Variants in NPTN observed in about 807,000 individuals in gnomAD.
The protein encoded by NPTN is SDR-1.
A neutral mutation model predicts 42.7 loss-of-function variants in NPTN; 5 were observed. The observed-to-expected ratio is 0.12, with a 90% confidence interval of 0.06 to 0.25. NPTN has a LOEUF of 0.25. NPTN is among the 10% of genes least tolerant of loss of function. NPTN has a pLI of 1.00. For synonymous variants in NPTN, 180 were observed against 201.9 expected, an observed-to-expected ratio of 0.89 and a Z score of 0.92; for missense variants, 307 against 525.4, an observed-to-expected ratio of 0.58 and a Z score of 4.06.
chr15:73,596,110 G>A (rs1357027715), intron 2 of NPTN, among the ~76,000 whole-genome samples: 3 of 152,194 alleles, frequency 2.0e-5, no homozygotes, highest in Non-Finnish European at 4.4e-5. Context: ...ACCGTGAACA[G>A]GAATCAACTG....
chr15:73,589,304 C>T (rs1419130909), intron 3 of NPTN, among the ~76,000 whole-genome samples: 1 of 151,914 alleles, frequency 6.6e-6, no homozygotes, highest in Non-Finnish European at 1.5e-5. Context: ...TGCACTCCAG[C>T]CTGGGTGACA....
At chr15:73,568,463 A>G (rs1213526211) in intron 6 of NPTN, 6 of 985,390 alleles carry the variant, frequency 6.1e-6, no homozygotes, top group African/African-American at 1.7e-5. Flanking sequence ...GGAATGAGGC[A>G]TAACTGATCC....
chr15:73,573,291 T>C (rs576418650), intron 5 of NPTN, among the ~76,000 whole-genome samples: 2 of 152,296 alleles, frequency 1.3e-5, no homozygotes, highest in South Asian at 4.1e-4. Context: ...TCATCTTTCC[T>C]GTGTTTCCTG....
chr15:73,563,817 A>C (rs1172762628), intron 6 of NPTN, among the ~76,000 whole-genome samples: 1 of 152,218 alleles, frequency 6.6e-6, no homozygotes, highest in African/African-American at 2.4e-5. Context: ...AGGCAATCAC[A>C]ATAGTTCAAC....
At chr15:73,565,680 T>TTACA in intron 6 of NPTN, 1 of 453,030 alleles carries the variant, frequency 2.2e-6, no homozygotes, top group Non-Finnish European at 4.5e-6. Context: ...CACCTCAGTA[T>TTACA]TACAGCCACT....
At chr15:73,591,250 C>T (rs900493929) in intron 3 of NPTN, among the ~76,000 whole-genome samples, 3 of 152,204 alleles carry the variant, frequency 2.0e-5, no homozygotes, top group Non-Finnish European at 4.4e-5. Flanking sequence ...CACCTCAGTG[C>T]TCTCTTTCTT....
chr15:73,586,868 C>T (rs894828145), intron 4 of NPTN, among the ~76,000 whole-genome samples: 1 of 152,204 alleles, frequency 6.6e-6, no homozygotes, highest in Admixed American at 6.5e-5. Flanking sequence ...TGACAGACAG[C>T]TAGAGGTTTC....
In NPTN at chr15:73,570,117, A is replaced by G. The variant is rs757126146; in HGVS notation, c.1114+33T>C. 1 of 1,566,354 alleles carries G rather than the reference A, an allele frequency of 6.4e-7. No individual in the cohort carries two copies. ...GAAACCACCCGAAGGAACCAACCCC[A>G]GCAGTACAGCTATTTTGTAGGGATG... On this transcript the variant is annotated intron_variant, in intron 6 of 8. Coordinates refer to ENST00000345330, the MANE Select transcript of NPTN (RefSeq NM_012428.4). The surrounding 1 kb of genome is among the most constrained non-coding windows in gnomAD (Gnocchi z 4.0).
chr15:73,628,249 T>C (rs950702276), intron 1 of NPTN, among the ~76,000 whole-genome samples: 3 of 152,182 alleles, frequency 2.0e-5, no homozygotes, highest in Non-Finnish European at 2.9e-5. Context: ...TCTGACAGCT[T>C]ATATTTTTCC....
chr15:73,573,425 T>C (rs1895517218), intron 5 of NPTN, among the ~76,000 whole-genome samples: 1 of 152,180 alleles, frequency 6.6e-6, no homozygotes, highest in African/African-American at 2.4e-5. Context: ...ACTAATACAG[T>C]GAGCAATCTA....
chr15:73,568,385 A>C, intron 6 of NPTN: 1 of 985,404 alleles, frequency 1.0e-6, no homozygotes. Flanking sequence ...ACCTTTCCAA[A>C]AGGCAGGCTG....
Position 73,573,692 on chromosome 15 carries a change from T to C in NPTN, c.810A>G (p.Ile270Met). 6.3e-7 allele frequency: 1 copy of C among 1,591,240 alleles called. No individual in the cohort carries two copies. Among genetic ancestry groups the C allele is most frequent in the African/African-American group, 1.4e-5 (1 of 73,714 alleles). The part of the protein sequence containing the change: ...KSVGYPHPDW[I>M]WRKKENGMPM... Reference sequence around the variant, plus strand: ...GCATCCCGTTCTCCTTCTTGCGCCATATCCAGTCTGGGTGGGGGTAGCCAA... The same window carrying C: ...GCATCCCGTTCTCCTTCTTGCGCCACATCCAGTCTGGGTGGGGGTAGCCAA... Residue 270 changes from isoleucine to methionine, a missense_variant, in exon 5 of 9, where the codon ATA becomes ATG. Physicochemically the swap from Ile to Met is conservative, Grantham distance 10 (BLOSUM62 1). Coordinates refer to ENST00000345330, the MANE Select transcript of NPTN (RefSeq NM_012428.4).
At position 73,597,301 on chromosome 15, in the gene NPTN, C is replaced by T. The variant is rs1896876290; in HGVS notation, c.160G>A (p.Val54Met). ...TGDAFELYCD[V>M]VGSPTPEIQW... ...ATCTCTGGCGTGGGGCTCCCGACCACGTCACAGTACAGCTCAAAGGCGTCC... is the reference window on the plus strand; with the variant it reads ...ATCTCTGGCGTGGGGCTCCCGACCATGTCACAGTACAGCTCAAAGGCGTCC... The change falls in exon 2 of 9, where the codon GTG becomes ATG. Residue 54 changes from valine (V) to methionine (M), a missense_variant. Val to Met is a conservative substitution (Grantham distance 21). Transcript: ENST00000345330. The surrounding 1 kb of genome is among the most constrained non-coding windows in gnomAD (Gnocchi z 6.3). 3 of 1,613,976 alleles carry T rather than the reference C, an allele frequency of 1.9e-6. No homozygotes were observed. Among genetic ancestry groups the T allele is most frequent in the African/African-American group, 1.3e-5 (1 of 74,968 alleles).
intron 1 of NPTN, among the ~76,000 whole-genome samples, chr15:73,630,433 T>C (rs937692655): frequency 3.3e-5 from 5 of 152,242 alleles, no homozygotes; most frequent in African/African-American, 4.8e-5. Flanking sequence ...ATGATACATA[T>C]AGAAGTCAAC....
chr15:73,562,739 G>A lies in NPTN; in HGVS notation c.1136+497C>T, dbSNP rs554570201. ...AAATTGCATTACATGAGTTAAACTCGGTCAGTAACAACTTTTGAAAGTATA... is the reference window on the plus strand; with the variant it reads ...AAATTGCATTACATGAGTTAAACTCAGTCAGTAACAACTTTTGAAAGTATA... On this transcript the variant is annotated intron_variant, in intron 7 of 8. Coordinates refer to ENST00000345330, the MANE Select transcript of NPTN (RefSeq NM_012428.4). 5.9e-5 allele frequency among the ~76,000 whole-genome samples: 9 copies of A among 152,156 alleles called. No homozygotes were observed. The East Asian group carries it at 1.4e-3, about 23-fold the overall frequency.
intron 5 of NPTN, among the ~76,000 whole-genome samples, chr15:73,572,737 G>GT (rs1168186562): frequency 2.0e-5 from 3 of 152,188 alleles, no homozygotes; most frequent in African/African-American, 7.2e-5. Flanking sequence ...TTCAAAAACA[G>GT]TATTTTCTTC....
Position 73,560,021 on chromosome 15 carries a change from T to A in NPTN, c.*1042A>T. The A allele has an allele frequency of 9.3e-7, 1 of 1,080,988 alleles. No individual in the cohort carries two copies. Among genetic ancestry groups the A allele is most frequent in the East Asian group, 2.9e-5 (1 of 34,210 alleles). The allele number at this position is 1,080,988 out of a possible 1,614,324, so 67.0% of individuals were successfully genotyped here. ...TAAAGAGTATTATCCAAACACCTTT[T>A]ATCAATGTTTTATTTTTAAAAACAG... is the stretch of plus-strand genomic sequence containing the variant. On this transcript the variant is annotated 3_prime_UTR_variant, in exon 9 of 9. Transcript: ENST00000345330.
At chr15:73,625,804 T>C (rs997078186) in intron 1 of NPTN, among the ~76,000 whole-genome samples, 2 of 152,208 alleles carry the variant, frequency 1.3e-5, no homozygotes, top group African/African-American at 4.8e-5. Context: ...TAGCTGAAAC[T>C]AGATGATGAA....
At chr15:73,623,617 G>T (rs933448193) in intron 1 of NPTN, among the ~76,000 whole-genome samples, 9 of 152,304 alleles carry the variant, frequency 5.9e-5, no homozygotes, top group Middle Eastern at 6.8e-3. Context: ...AGCCTGGAAG[G>T]TTGATGCTGC....
Sources: gnomAD v4.1 joint callset for allele counts (sites outside exome capture counted in the v4.1 genomes callset) on GRCh38, gnomAD v4.1.1 for gene constraint, Gnocchi (gnomAD v3.1) non-coding constraint, MANE v1.5 for transcripts, NCBI Gene and HGNC (gene_info 2026-07-23, HGNC 2026-07-21) for gene names.